The following CTNNA3 variants were observed in gnomAD, a reference collection of about 807,000 sequenced individuals.
CTNNA3 encodes the protein catenin alpha-3.
In CTNNA3, 76 loss-of-function variants were observed where a neutral mutation model predicts 95.7. The observed-to-expected ratio is 0.79, with a 90% CI of 0.66 to 0.96. CTNNA3 has a LOEUF of 0.96. Ranked by LOEUF, CTNNA3 falls within the 40% of genes least tolerant of loss-of-function variation. The pLI is 0.00. For synonymous variants in CTNNA3, 431 were observed against 374.4 expected (o/e 1.15, Z -1.74); for missense variants, 1,191 against 1,089.8 (o/e 1.09, Z -1.31).
In CTNNA3 at chr10:65,912,557, C is replaced by T. The variant is rs1361332638; in HGVS notation, c.*7773G>A. The T allele has an allele frequency of 2.0e-5, 3 of 152,100 alleles. No individual in the cohort carries two copies. Among genetic ancestry groups the T allele is most frequent in the African/African-American group, 7.2e-5 (3 of 41,432 alleles). 9.4% of individuals were successfully genotyped at this position (152,100 alleles called of 1,614,324 possible). A position where few individuals can be genotyped will look rare whatever the true frequency, so the allele number is the denominator to read the frequency against. ...AATCTTTTCATTTTTATTGCTTTAA[C>T]ACACATTTTAATTTTCAGTTGAACA... On this transcript the variant is annotated 3_prime_UTR_variant, in exon 18 of 18. Transcript: ENST00000433211.
intron 5 of CTNNA3, among the ~76,000 whole-genome samples, chr10:67,244,841 C>T (rs1418905585): frequency 6.6e-6 from 1 of 152,032 alleles, no homozygotes; most frequent in East Asian, 1.9e-4. Context: ...AATTTGAGCT[C>T]CTGATAGTGC....
chr10:66,014,279 T>G (rs116594703), intron 15 of CTNNA3, among the ~76,000 whole-genome samples: 1,911 of 152,254 alleles, frequency 0.013, 31 homozygotes, highest in African/African-American at 0.044. Flanking sequence ...AATTTCTGAA[T>G]AGTAGAAGCC....
At chr10:66,207,521 G>A (rs1841371227) in intron 13 of CTNNA3, among the ~76,000 whole-genome samples, 1 of 151,952 alleles carries the variant, frequency 6.6e-6, no homozygotes. Context: ...CATTATCCAT[G>A]TCTTAGCCAT....
At chr10:67,489,332 C>T (rs954737113) in intron 5 of CTNNA3, among the ~76,000 whole-genome samples, 2 of 152,074 alleles carry the variant, frequency 1.3e-5, no homozygotes, top group Non-Finnish European at 2.9e-5. Context: ...TAAGTAATTT[C>T]CCCCATTCCT....
intron 2 of CTNNA3, among the ~76,000 whole-genome samples, chr10:67,639,168 G>T (rs931683804): frequency 6.6e-6 from 1 of 152,120 alleles, no homozygotes. Flanking sequence ...AAATGATAAA[G>T]GGGATATCAC....
chr10:66,507,888 T>C (rs888056115), intron 11 of CTNNA3, among the ~76,000 whole-genome samples: 3 of 152,120 alleles, frequency 2.0e-5, no homozygotes, highest in South Asian at 2.1e-4. Flanking sequence ...TGCTAAATCA[T>C]ATGGTGGCTC....
chr10:66,707,947 T>A (rs1189625123), intron 9 of CTNNA3, among the ~76,000 whole-genome samples: 1 of 152,148 alleles, frequency 6.6e-6, no homozygotes, highest in Non-Finnish European at 1.5e-5. Flanking sequence ...TCTGGTGCAT[T>A]CAGTCATAAT....
At chr10:66,584,086 T>G (rs1019720014) in intron 10 of CTNNA3, among the ~76,000 whole-genome samples, 2 of 151,960 alleles carry the variant, frequency 1.3e-5, no homozygotes, top group Non-Finnish European at 2.9e-5. Flanking sequence ...TTGAACTTAT[T>G]TAGTGACCTA....
At position 66,819,045 on chromosome 10, in the gene CTNNA3, G is replaced by A. The variant is rs375710225; in HGVS notation, c.1048-43521C>T. ...GCAGAGGTTGCAATGAGCTGAGATCGCACCATCGCACTCCAGAGCCTGGGC... is the reference window on the plus strand; with the variant it reads ...GCAGAGGTTGCAATGAGCTGAGATCACACCATCGCACTCCAGAGCCTGGGC... On this transcript the variant is annotated intron_variant, in intron 7 of 17. Transcript: ENST00000433211. 3.4e-4 allele frequency among the ~76,000 whole-genome samples: 50 copies of A among 145,786 alleles called. 1 individual carries two copies. Among genetic ancestry groups the A allele is most frequent in the African/African-American group, 1.1e-3 (44 of 38,724 alleles).
chr10:66,567,596 G>T (rs750789982), intron 10 of CTNNA3, among the ~76,000 whole-genome samples: 1 of 152,058 alleles, frequency 6.6e-6, no homozygotes, highest in South Asian at 2.1e-4. Flanking sequence ...TCTAGCCTGC[G>T]TGACAGAGCA....
Position 65,919,612 on chromosome 10 carries a change from C to T in CTNNA3, c.*718G>A, listed in dbSNP as rs184258408. 1 of 152,294 alleles carries T rather than the reference C, an allele frequency of 6.6e-6. No homozygotes were observed. Among genetic ancestry groups the T allele is most frequent in the Non-Finnish European group, 1.5e-5 (1 of 68,028 alleles). The allele number at this position is 152,294 out of a possible 1,614,324, so 9.4% of individuals were successfully genotyped here. A position where few individuals can be genotyped will look rare whatever the true frequency, so the allele number is the denominator to read the frequency against. On this transcript the variant is annotated 3_prime_UTR_variant, in exon 18 of 18. Transcript: ENST00000433211. ...CTCAAAAGTACAGAACTCTCTAACA[C>T]ATTGGAAACCCAAAAGGTGAGTATG... is the stretch of plus-strand genomic sequence containing the variant.
At chr10:67,508,193 T>G (rs1413190579) in intron 5 of CTNNA3, among the ~76,000 whole-genome samples, 1 of 152,014 alleles carries the variant, frequency 6.6e-6, no homozygotes, top group Non-Finnish European at 1.5e-5. Context: ...TTGTATTTTA[T>G]CAGAAACAGG....
intron 7 of CTNNA3, among the ~76,000 whole-genome samples, chr10:66,952,244 G>C (rs189917702): frequency 6.6e-6 from 1 of 152,164 alleles, no homozygotes. Flanking sequence ...CATTGTAATT[G>C]AAACTATGCA....
At chr10:67,439,814 C>T (rs953199849) in intron 5 of CTNNA3, among the ~76,000 whole-genome samples, 13 of 151,996 alleles carry the variant, frequency 8.6e-5, no homozygotes, top group Admixed American at 3.9e-4. Flanking sequence ...CCTTCGGCCC[C>T]GAACAACCAA....
chr10:66,653,521 G>A lies in CTNNA3; in HGVS notation c.1282-31737C>T, dbSNP rs73310585. On this transcript the variant is annotated intron_variant, in intron 9 of 17. Transcript: ENST00000433211. ...AGAGTTTATATTGTTTAAAATGTCT[G>A]TATTATTCCAAGCAATCTACATATT... Among the ~76,000 whole-genome samples the A allele has an allele frequency of 6.4e-3, 979 of 152,064 alleles. 9 individuals are homozygous for A. Among genetic ancestry groups the A allele is most frequent in the African/African-American group, 0.023 (954 of 41,522 alleles).
At chr10:67,488,670 C>CTTTTTT (rs1848539061) in intron 5 of CTNNA3, among the ~76,000 whole-genome samples, 1 of 111,882 alleles carries the variant, frequency 8.9e-6, no homozygotes, top group African/African-American at 6.2e-5. Flanking sequence ...AGTGCCCGGC[C>CTTTTTT]TCTTTTTTTT....
At chr10:67,293,799 G>A (rs1366098765) in intron 5 of CTNNA3, among the ~76,000 whole-genome samples, 1 of 151,778 alleles carries the variant, frequency 6.6e-6, no homozygotes, top group East Asian at 1.9e-4. Flanking sequence ...AGTTTGCTGA[G>A]AATGATGGTT....
intron 1 of CTNNA3, among the ~76,000 whole-genome samples, chr10:67,726,439 A>AATATTATATATGATATATG (rs1461778786): frequency 1.9e-5 from 1 of 53,166 alleles, no homozygotes. Flanking sequence ...TATCATATAT[A>AATATTATATATGATATATG]ATATATAATA....
intron 9 of CTNNA3, among the ~76,000 whole-genome samples, chr10:66,749,759 G>A (rs184297030): frequency 1.3e-5 from 2 of 152,306 alleles, no homozygotes; most frequent in Admixed American, 6.5e-5. Context: ...TATGGTAACA[G>A]TATGTTTAGT....
Sources: gnomAD v4.1 joint callset for allele counts (sites outside exome capture counted in the v4.1 genomes callset) on GRCh38, gnomAD v4.1.1 for gene constraint, MANE v1.5 for transcripts, NCBI Gene and HGNC (gene_info 2026-07-23, HGNC 2026-07-21) for gene names.